ARL9: variants seen among roughly 807,000 people sequenced by gnomAD.
ARL9 encodes the protein ARF like GTPase 9, also known as ADP-ribosylation factor-like protein 9.
In ARL9, 14 loss-of-function variants were observed where a neutral mutation model predicts 27.0. That is an observed-to-expected ratio of 0.52 (90% confidence interval 0.34 to 0.81). The LOEUF (loss-of-function observed/expected upper bound fraction) is 0.81, where lower values mean the gene tolerates loss of function less well. Among genes scored for constraint, ARL9 ranks in the 30% least tolerant of loss-of-function variants. ARL9 has a pLI of 0.01. For missense variants in ARL9, 294 were observed against 290.0 expected (o/e 1.01, Z -0.10); for synonymous variants, 106 against 108.7 (o/e 0.98, Z 0.15).
intron 2 of ARL9, among the ~76,000 whole-genome samples, chr4:56,515,996 C>G (rs1454428513): frequency 1.3e-5 from 2 of 152,236 alleles, no homozygotes; most frequent in East Asian, 3.9e-4. Context: ...CCAAGACACT[C>G]TTGTAGAAAT....
intron 2 of ARL9, among the ~76,000 whole-genome samples, chr4:56,512,589 G>C (rs963988146): frequency 6.7e-6 from 1 of 150,086 alleles, no homozygotes; most frequent in Admixed American, 6.7e-5. Context: ...ACCCAGGCTG[G>C]AGTGCAGTGG....
intron 3 of ARL9, among the ~76,000 whole-genome samples, chr4:56,520,657 T>G (rs539918813): frequency 2.6e-5 from 4 of 152,158 alleles, no homozygotes; most frequent in Non-Finnish European, 5.9e-5. Context: ...GGAGAAAAAT[T>G]TTGTTACATG....
chr4:56,521,698 A>G (rs1352314730), intron 3 of ARL9, among the ~76,000 whole-genome samples: 1 of 152,102 alleles, frequency 6.6e-6, no homozygotes, highest in Non-Finnish European at 1.5e-5. Context: ...TATTATTCTA[A>G]TGTGCATTTC....
At chr4:56,507,411 C>A (rs1251880141) in intron 1 of ARL9, among the ~76,000 whole-genome samples, 3 of 151,720 alleles carry the variant, frequency 2.0e-5, no homozygotes, top group Non-Finnish European at 4.4e-5. Flanking sequence ...ACCTCCCAGG[C>A]TCAAGTCATC....
chr4:56,513,471 T>C (rs1344469681), intron 2 of ARL9, among the ~76,000 whole-genome samples: 1 of 152,228 alleles, frequency 6.6e-6, no homozygotes, highest in Non-Finnish European at 1.5e-5. Context: ...GCTGCTATTA[T>C]AGTTTTTGAA....
At chr4:56,519,349 C>T (rs181791455) in intron 3 of ARL9, among the ~76,000 whole-genome samples, 1,895 of 152,256 alleles carry the variant, frequency 0.012, 21 homozygotes, top group South Asian at 0.047. Context: ...CGGTGGCTCA[C>T]GCCTGTAATC....
chr4:56,505,995 C>A lies in ARL9; in HGVS notation c.133C>A (p.Gln45Lys). ...GAAAATTAAACAAAAGCAAGAGAAGCAGGAGAGGAGAAAGGGAAAAGAGAA... is the reference window on the plus strand; with the variant it reads ...GAAAATTAAACAAAAGCAAGAGAAGAAGGAGAGGAGAAAGGGAAAAGAGAA... Reference protein sequence around the residue: ...EQKIKQKQEKQERRKGKEKEE... With the variant: ...EQKIKQKQEKKERRKGKEKEE... Residue 45 changes from glutamine to lysine, a missense_variant, in exon 1 of 4, where the codon CAG (glutamine) becomes AAG (lysine). Physicochemically the swap from Gln to Lys is moderately conservative, Grantham distance 53. Transcript: ENST00000640821. 1.7e-6 allele frequency: 2 copies of A among 1,199,956 alleles called. No individual in the cohort carries two copies. Among genetic ancestry groups the A allele is most frequent in the Non-Finnish European group, 2.1e-6 (2 of 957,670 alleles). The allele number at this position is 1,199,956 out of a possible 1,614,324, so 74.3% of individuals were successfully genotyped here.
chr4:56,523,666 T>A, intron 3 of ARL9, 31 bp from the exon 4 acceptor site: 1 of 1,572,626 alleles, frequency 6.4e-7, no homozygotes, highest in Non-Finnish European at 8.7e-7. Flanking sequence ...ATAACCAACT[T>A]TGTCCTATTC....
chr4:56,518,670 C>T lies in ARL9; in HGVS notation c.443-8C>T, dbSNP rs1721831930. 2 of 1,609,480 alleles carry T rather than the reference C, an allele frequency of 1.2e-6. No individual in the cohort carries two copies. Among genetic ancestry groups the T allele is most frequent in the Admixed American group, 3.4e-5 (2 of 59,648 alleles). ...GTGTGTGTCTTCTTCCTCTACTATT[C>T]TCTGTAGTTGGTGGCAGTAAACCTT... On this transcript the variant is annotated splice_polypyrimidine_tract_variant and splice_region_variant and intron_variant, in intron 2 of 3. Transcript: ENST00000640821.
chr4:56,518,017 T>C (rs1721811885), intron 2 of ARL9, among the ~76,000 whole-genome samples: 1 of 152,152 alleles, frequency 6.6e-6, no homozygotes, highest in African/African-American at 2.4e-5. Flanking sequence ...TTTCTTTTTT[T>C]TTAGATAGAT....
chr4:56,520,095 C>T (rs1484817823), intron 3 of ARL9, among the ~76,000 whole-genome samples: 1 of 152,124 alleles, frequency 6.6e-6, no homozygotes, highest in Non-Finnish European at 1.5e-5. Context: ...CTCCGCCTCC[C>T]AGGTTCAAGT....
At chr4:56,505,545 A>G (rs1222403124), upstream of ARL9, 8 of 549,970 alleles carry the variant, frequency 1.5e-5, no homozygotes, top group East Asian at 3.1e-4. Flanking sequence ...TGCAGCAATG[A>G]TATACCCCGC....
chr4:56,505,412 C>G (rs773117909), upstream of ARL9: 3 of 457,962 alleles, frequency 6.6e-6, no homozygotes, highest in South Asian at 4.6e-5. Context: ...TTCACACAGG[C>G]TGGCCGGTCT....
chr4:56,507,437 C>T (rs1721497140), intron 1 of ARL9, among the ~76,000 whole-genome samples: 1 of 151,812 alleles, frequency 6.6e-6, no homozygotes, highest in Non-Finnish European at 1.5e-5. Context: ...ACCTCAGCCT[C>T]CCAAGTAGCT....
chr4:56,521,285 A>G lies in ARL9; in HGVS notation c.619-2412A>G, dbSNP rs547153006. ...TAAGTGGAGCATCTTAAGTACCATA[A>G]ACTACAAAGATTTAGAAGATCATGG... is the stretch of plus-strand genomic sequence containing the variant. On this transcript the variant is annotated intron_variant, in intron 3 of 3. Transcript: ENST00000640821. Among the ~76,000 whole-genome samples, 294 of 152,302 alleles carry G rather than the reference A, an allele frequency of 1.9e-3. 5 individuals carry two copies. In the South Asian group the frequency reaches 0.028, roughly 15 times the overall value.
At chr4:56,505,528 CT>C, upstream of ARL9, 1 of 518,674 alleles carries the variant, frequency 1.9e-6, no homozygotes. Flanking sequence ...GCTAGGGACG[CT>C]TTTTCTGCAG....
intron 1 of ARL9, among the ~76,000 whole-genome samples, chr4:56,510,077 A>G (rs1011813273): frequency 1.3e-5 from 2 of 151,892 alleles, no homozygotes; most frequent in Admixed American, 1.3e-4. Flanking sequence ...TATAAGAGGG[A>G]GGCTGGGTGC....
At chr4:56,505,418 G>C, upstream of ARL9, 2 of 458,330 alleles carry the variant, frequency 4.4e-6, no homozygotes, top group Non-Finnish European at 8.8e-6. Flanking sequence ...CAGGCTGGCC[G>C]GTCTCGGGAT....
chr4:56,509,701 A>ATTTTTT (rs766835732), intron 1 of ARL9, among the ~76,000 whole-genome samples: 3 of 98,314 alleles, frequency 3.1e-5, no homozygotes, highest in African/African-American at 4.5e-5. Context: ...CACTGGGCTA[A>ATTTTTT]TTTTTTTTTT....
Sources: allele counts gnomAD v4.1 joint callset (sites outside exome capture counted in the v4.1 genomes callset), GRCh38; gene constraint gnomAD v4.1.1; transcripts MANE v1.5; gene names NCBI Gene and HGNC (gene_info 2026-07-23, HGNC 2026-07-21).